FUCA2: variants seen among roughly 807,000 people sequenced by gnomAD.
FUCA2 encodes alpha-L-fucosidase 2.
A neutral mutation model predicts 52.6 loss-of-function variants in FUCA2; 41 were observed. That is an observed-to-expected ratio of 0.78 (90% CI 0.61 to 1.01). The LOEUF (loss-of-function observed/expected upper bound fraction) is 1.01. Ranked by LOEUF, FUCA2 falls within the 50% of genes least tolerant of loss-of-function variation. The pLI is 0.00. For synonymous variants in FUCA2, 211 were observed against 217.3 expected (o/e 0.97, Z 0.26); for missense variants, 507 against 569.5 (o/e 0.89, Z 1.12).
intron 5 of FUCA2, among the ~76,000 whole-genome samples, chr6:143,498,119 C>T (rs1049375571): frequency 6.6e-6 from 1 of 151,454 alleles, no homozygotes; most frequent in Non-Finnish European, 1.5e-5. Context: ...TAATCTGAGA[C>T]TTAAAGGATG....
chr6:143,499,559 T>TA lies in FUCA2; in HGVS notation c.1155-2063dup, dbSNP rs1780504995. Among the ~76,000 whole-genome samples the TA allele has an allele frequency of 6.6e-6, 1 of 152,070 alleles. No homozygotes were observed. Among genetic ancestry groups the TA allele is most frequent in the African/African-American group, 2.4e-5 (1 of 41,396 alleles). ...TAGAGAAGAATGGAAGTCCAAAGACTAAACCTCAGGGCACTTCAAGATTTA... is the reference window on the plus strand; with the variant it reads ...TAGAGAAGAATGGAAGTCCAAAGACTAAAACCTCAGGGCACTTCAAGATTTA... On this transcript the variant is annotated intron_variant, in intron 5 of 6. Coordinates refer to ENST00000002165, the MANE Select transcript of FUCA2 (RefSeq NM_032020.5). This position sits in a 1 kb window ranked among gnomAD's most constrained non-coding sequence, Gnocchi z 6.0.
chr6:143,504,339 T>G lies in FUCA2; in HGVS notation c.413-87A>C. On this transcript the variant is annotated intron_variant, in intron 2 of 6. Transcript: ENST00000002165. This position sits in a 1 kb window ranked among gnomAD's most constrained non-coding sequence, Gnocchi z 4.4. ...CACACAAATGCCCAAACAAATCACA[T>G]AGTACATGCGATATATAAATACCTG... 2 of 1,095,556 alleles carry G rather than the reference T, an allele frequency of 1.8e-6. No individual in the cohort carries two copies. The highest frequency in any genetic ancestry group is 2.7e-6 in the Non-Finnish European group (2 of 751,886). The allele number at this position is 1,095,556 out of a possible 1,614,324, so 67.9% of individuals were successfully genotyped here.
Position 143,504,992 on chromosome 6 carries a change from A to AC in FUCA2, c.413-741dup, listed in dbSNP as rs1181435533. On this transcript the variant is annotated intron_variant, in intron 2 of 6. Transcript: ENST00000002165. This position sits in a 1 kb window ranked among gnomAD's most constrained non-coding sequence, Gnocchi z 4.4. ...TTACCCAAAAGTGAATAGTCTACCAACTACATAGATAAGAAAAACAATGTA... is the reference window on the plus strand; with the variant it reads ...TTACCCAAAAGTGAATAGTCTACCAACCTACATAGATAAGAAAAACAATGTA... The AC allele has an allele frequency of 2.0e-5, 3 of 152,234 alleles. No individual in the cohort carries two copies. The highest frequency in any genetic ancestry group is 6.5e-5 in the Admixed American group (1 of 15,288). The allele number at this position is 152,234 out of a possible 1,614,324, so 9.4% of individuals were successfully genotyped here.
chr6:143,504,236 C>T lies in FUCA2; in HGVS notation c.429G>A (p.Gly143=), dbSNP rs1433363881. 6.2e-7 allele frequency: 1 copy of T among 1,613,288 alleles called. No homozygotes were observed. Among genetic ancestry groups the T allele is most frequent in the Non-Finnish European group, 8.5e-7 (1 of 1,179,602 alleles). ...CATTCCAGTTCCACGAATATTCTGA[C>T]CCCCACAAGGTAAAGCCTAGAAAAT... is the stretch of plus-strand genomic sequence containing the variant. The part of the protein sequence containing the change: ...SKHHEGFTLW[G]SEYSWNWNAI... Residue 143 remains glycine (G), a synonymous_variant, in exon 3 of 7, where the codon GGG becomes GGA. Coordinates refer to ENST00000002165, the MANE Select transcript of FUCA2 (RefSeq NM_032020.5). This position sits in a 1 kb window ranked among gnomAD's most constrained non-coding sequence, Gnocchi z 4.4.
At position 143,497,384 on chromosome 6, in the gene FUCA2, C is replaced by CT; in HGVS notation, c.1263+4dup. 1 of 1,573,334 alleles carries CT rather than the reference C, an allele frequency of 6.4e-7. No homozygotes were observed. The highest frequency in any genetic ancestry group is 1.7e-4 in the Middle Eastern group (1 of 5,992). The stretch of plus-strand genomic sequence containing the variant: ...TTAAAGGAATAAGGTAAAATTCCCT[C>CT]TTACCTCTGTTGCCCCCAGAATAGC... On this transcript the variant is annotated splice_donor_region_variant and intron_variant, in intron 6 of 6. Transcript: ENST00000002165. This position sits in a 1 kb window ranked among gnomAD's most constrained non-coding sequence, Gnocchi z 5.3.
In FUCA2 at chr6:143,499,510, C is replaced by T. The variant is rs1479254226; in HGVS notation, c.1155-2013G>A. 2.6e-5 allele frequency among the ~76,000 whole-genome samples: 4 copies of T among 152,066 alleles called. No homozygotes were observed. Among genetic ancestry groups the T allele is most frequent in the Non-Finnish European group, 4.4e-5 (3 of 68,020 alleles). On this transcript the variant is annotated intron_variant, in intron 5 of 6. Coordinates refer to ENST00000002165, the MANE Select transcript of FUCA2 (RefSeq NM_032020.5). This position sits in a 1 kb window ranked among gnomAD's most constrained non-coding sequence, Gnocchi z 6.0. ...GGTGGAGGTTGCCGTGAGCCAAGAT[C>T]GCACCAGTGCACTCAAAAAAAGATA...
At chr6:143,508,076 G>A (rs1460664939) in intron 1 of FUCA2, among the ~76,000 whole-genome samples, 1 of 152,210 alleles carries the variant, frequency 6.6e-6, no homozygotes, top group Non-Finnish European at 1.5e-5. Flanking sequence ...AAGACTACAT[G>A]CCTAAAACAT....
intron 2 of FUCA2, chr6:143,506,187 T>C (rs1033162038): frequency 1.4e-5 from 2 of 141,000 alleles, no homozygotes; most frequent in Non-Finnish European, 3.0e-5. Flanking sequence ...AAGGCAAAGT[T>C]TCCCGTTTTT....
Position 143,495,950 on chromosome 6 carries a change from C to T in FUCA2, c.1264-103G>A. On this transcript the variant is annotated intron_variant, in intron 6 of 6. Coordinates refer to ENST00000002165, the MANE Select transcript of FUCA2 (RefSeq NM_032020.5). The surrounding 1 kb of genome is among the most constrained non-coding windows in gnomAD (Gnocchi z 5.2). ...TTAGTAGTTCAAACAAAATTGTAGA[C>T]AAGAGGTTCATTTTTACCTTTATTT... 15 of 1,157,272 alleles carry T rather than the reference C, an allele frequency of 1.3e-5. No individual in the cohort carries two copies. The highest frequency in any genetic ancestry group is 2.4e-5 in the East Asian group (1 of 41,478). The allele number at this position is 1,157,272 out of a possible 1,614,324, so 71.7% of individuals were successfully genotyped here. A position where few individuals can be genotyped will look rare whatever the true frequency, so the allele number is the denominator to read the frequency against.
chr6:143,499,517 G>C lies in FUCA2; in HGVS notation c.1155-2020C>G, dbSNP rs1780504518. Among the ~76,000 whole-genome samples the C allele has an allele frequency of 6.6e-6, 1 of 152,084 alleles. No individual in the cohort carries two copies. Among genetic ancestry groups the C allele is most frequent in the South Asian group, 2.1e-4 (1 of 4,828 alleles). On this transcript the variant is annotated intron_variant, in intron 5 of 6. Transcript: ENST00000002165. The surrounding 1 kb of genome is among the most constrained non-coding windows in gnomAD (Gnocchi z 6.0). ...GTTGCCGTGAGCCAAGATCGCACCA[G>C]TGCACTCAAAAAAAGATAGAGAAGA...
chr6:143,502,474 T>C lies in FUCA2; in HGVS notation c.844A>G (p.Asn282Asp). The change falls in exon 4 of 7, where the codon AAC (asparagine) becomes GAC (aspartate). Residue 282 changes from asparagine to aspartate, a missense_variant. Coordinates refer to ENST00000002165, the MANE Select transcript of FUCA2 (RefSeq NM_032020.5). This position sits in a 1 kb window ranked among gnomAD's most constrained non-coding sequence, Gnocchi z 4.1. ...TTATGTGGCAAAAGATGTCCTGGGT[T>C]ATAACGATCACTGCAGGTATAGAAG... The part of the protein sequence containing the change: ...GGFYTCSDRY[N>D]PGHLLPHKWE... 1.2e-6 allele frequency: 2 copies of C among 1,614,156 alleles called. No homozygotes were observed. The highest frequency in any genetic ancestry group is 1.7e-6 in the Non-Finnish European group (2 of 1,179,986).
intron 2 of FUCA2, chr6:143,505,267 T>C (rs923663562): frequency 2.0e-5 from 3 of 151,954 alleles, no homozygotes; most frequent in African/African-American, 7.3e-5. Context: ...ATTTTACTCT[T>C]GGTAAATTAG....
rs1562666675 is a variant in FUCA2 at position 143,507,544 on chromosome 6, T to TAA, written c.225-121_225-120insTT. On this transcript the variant is annotated intron_variant, in intron 1 of 6. Transcript: ENST00000002165. The surrounding 1 kb of genome is among the most constrained non-coding windows in gnomAD (Gnocchi z 4.5). ...ATAGGACCCAGATTCTCTTTCTCAC[T>TAA]TCCCCATTAGTTTGACTTGGCTTTA... 1.3e-5 allele frequency: 9 copies of TAA among 694,738 alleles called. No individual in the cohort carries two copies. The highest frequency in any genetic ancestry group is 1.9e-5 in the African/African-American group (1 of 53,124). The allele number at this position is 694,738 out of a possible 1,614,324, so 43.0% of individuals were successfully genotyped here. A position where few individuals can be genotyped will look rare whatever the true frequency, so the allele number is the denominator to read the frequency against.
At position 143,500,871 on chromosome 6, in the gene FUCA2, A is replaced by AC. The variant is rs1780518957; in HGVS notation, c.1154+1060dup. ...GACTGCAAGAAGGTGGGCATGATGA[A>AC]CCCTGGGGGAAGAAGGCTCCTATGG... is the stretch of plus-strand genomic sequence containing the variant. On this transcript the variant is annotated intron_variant, in intron 5 of 6. Transcript: ENST00000002165. This position sits in a 1 kb window ranked among gnomAD's most constrained non-coding sequence, Gnocchi z 6.9. 6.6e-6 allele frequency among the ~76,000 whole-genome samples: 1 copy of AC among 152,084 alleles called. No homozygotes were observed. Among genetic ancestry groups the AC allele is most frequent in the Non-Finnish European group, 1.5e-5 (1 of 68,002 alleles).
At chr6:143,496,068 G>A (rs1331420932) in intron 6 of FUCA2, among the ~76,000 whole-genome samples, 1 of 152,166 alleles carries the variant, frequency 6.6e-6, no homozygotes, top group Non-Finnish European at 1.5e-5. Flanking sequence ...AAATAGAAGT[G>A]TGCAGGGGTT....
Position 143,495,575 on chromosome 6 carries a change from G to A in FUCA2, c.*132C>T. ...TAAGAAAAAATTTAGTGGGAAAAAGGGAAAGGGCTGAACTGCCAAAATAAT... is the reference window on the plus strand; with the variant it reads ...TAAGAAAAAATTTAGTGGGAAAAAGAGAAAGGGCTGAACTGCCAAAATAAT... On this transcript the variant is annotated 3_prime_UTR_variant, in exon 7 of 7. Transcript: ENST00000002165. This position sits in a 1 kb window ranked among gnomAD's most constrained non-coding sequence, Gnocchi z 5.2. 3 of 905,244 alleles carry A rather than the reference G, an allele frequency of 3.3e-6. No homozygotes were observed. Among genetic ancestry groups the A allele is most frequent in the Non-Finnish European group, 4.7e-6 (3 of 642,242 alleles). The allele number at this position is 905,244 out of a possible 1,614,324, so 56.1% of individuals were successfully genotyped here. A position where few individuals can be genotyped will look rare whatever the true frequency, so the allele number is the denominator to read the frequency against.
chr6:143,502,211 A>G lies in FUCA2; in HGVS notation c.964-89T>C, dbSNP rs1242879556. The G allele has an allele frequency of 3.8e-6, 5 of 1,311,670 alleles. No homozygotes were observed. The highest frequency in any genetic ancestry group is 2.2e-5 in the Admixed American group (1 of 46,210). The allele number at this position is 1,311,670 out of a possible 1,614,324, so 81.3% of individuals were successfully genotyped here. ...GTTGCATTTATATATTTATACATGT[A>G]TATATAGTCACTGCCTAGAAGAACA... On this transcript the variant is annotated intron_variant, in intron 4 of 6. Transcript: ENST00000002165. The surrounding 1 kb of genome is among the most constrained non-coding windows in gnomAD (Gnocchi z 4.1).
In FUCA2 at chr6:143,507,285, GA is replaced by G; in HGVS notation, c.363del (p.Gln122ArgfsTer10). The stretch of plus-strand genomic sequence containing the variant: ...ACAATGTATTTGGCACCAGAGGCCT[GA>G]AAAATATCTGCCCACTGGTTGGCAT... ...FFNANQWADIFQASGAKYIVL... is the reference protein window; with the variant it reads ...FFNANQWADIXQASGAKYIVL... On this transcript the variant is annotated frameshift_variant, in exon 2 of 7. Coordinates refer to ENST00000002165, the MANE Select transcript of FUCA2 (RefSeq NM_032020.5). LOFTEE classifies it high-confidence loss of function. This position sits in a 1 kb window ranked among gnomAD's most constrained non-coding sequence, Gnocchi z 4.5. 1 of 1,604,986 alleles carries G rather than the reference GA, an allele frequency of 6.2e-7. No individual in the cohort carries two copies. Among genetic ancestry groups the G allele is most frequent in the East Asian group, 2.3e-5 (1 of 44,006 alleles).
In FUCA2 at chr6:143,511,495, G is replaced by A; in HGVS notation, c.140C>T (p.Pro47Leu). Residue 47 changes from proline to leucine, a missense_variant, in exon 1 of 7, where the codon CCC becomes CTC. Transcript: ENST00000002165. The surrounding 1 kb of genome is among the most constrained non-coding windows in gnomAD (Gnocchi z 6.3). ...GAACTTGGCCTGGTCAAACCACGCG[G>A]GCAGCTGGCGGGCGTCCAGGGACTC... Reference protein sequence around the residue: ...TWESLDARQLPAWFDQAKFGI... With the variant: ...TWESLDARQLLAWFDQAKFGI... 6.2e-7 allele frequency: 1 copy of A among 1,603,008 alleles called. No individual in the cohort carries two copies. The highest frequency in any genetic ancestry group is 8.5e-7 in the Non-Finnish European group (1 of 1,174,966).
Sources: allele counts gnomAD v4.1 joint callset (sites outside exome capture counted in the v4.1 genomes callset), GRCh38; gene constraint gnomAD v4.1.1; non-coding constraint Gnocchi (gnomAD v3.1); transcripts MANE v1.5; gene names NCBI Gene and HGNC (gene_info 2026-07-23, HGNC 2026-07-21).